The following EFNA5 variants were observed in gnomAD, a reference collection of about 807,000 sequenced individuals.
EFNA5 encodes ephrin-A5.
EFNA5 carries 5 observed loss-of-function variants against 22.9 expected under a neutral mutation model. That is an observed-to-expected ratio of 0.22 (90% CI 0.11 to 0.46). EFNA5 has a LOEUF of 0.46. Ranked by LOEUF, EFNA5 falls within the 20% of genes least tolerant of loss-of-function variation. EFNA5 has a pLI of 0.99. For synonymous variants in EFNA5, 113 were observed against 112.2 expected (o/e 1.01, Z -0.04); for missense variants, 237 against 293.3 (o/e 0.81, Z 1.40).
At chr5:107,498,478 T>C (rs1325746592) in intron 1 of EFNA5, among the ~76,000 whole-genome samples, 1 of 152,188 alleles carries the variant, frequency 6.6e-6, no homozygotes, top group East Asian at 1.9e-4. Context: ...CCCTGGAGCT[T>C]CCCTGGACCC....
intron 1 of EFNA5, among the ~76,000 whole-genome samples, chr5:107,597,292 T>C (rs1749492782): frequency 6.6e-6 from 1 of 152,196 alleles, no homozygotes; most frequent in African/African-American, 2.4e-5. Context: ...CAAAGACAGA[T>C]AACATACACA....
intron 2 of EFNA5, among the ~76,000 whole-genome samples, chr5:107,388,131 A>G (rs1387437163): frequency 6.6e-6 from 1 of 152,214 alleles, no homozygotes; most frequent in Non-Finnish European, 1.5e-5. Flanking sequence ...GCTTTCACAG[A>G]GCCGCTCCTC....
intron 2 of EFNA5, among the ~76,000 whole-genome samples, chr5:107,392,196 C>T (rs1194653631): frequency 6.6e-6 from 1 of 152,162 alleles, no homozygotes; most frequent in Non-Finnish European, 1.5e-5. Context: ...CCCAGGTATC[C>T]CCACATTCCT....
chr5:107,465,804 A>C (rs1749963117), intron 1 of EFNA5, among the ~76,000 whole-genome samples: 2 of 151,980 alleles, frequency 1.3e-5, no homozygotes, highest in Non-Finnish European at 2.9e-5. Flanking sequence ...AAGGCCCCTC[A>C]CAAAGATACA....
At chr5:107,524,960 T>C (rs934363817) in intron 1 of EFNA5, among the ~76,000 whole-genome samples, 2 of 152,242 alleles carry the variant, frequency 1.3e-5, no homozygotes, top group African/African-American at 4.8e-5. Context: ...TTAATGCAGA[T>C]TAGGCATATA....
chr5:107,601,453 G>A (rs867985781), intron 1 of EFNA5, among the ~76,000 whole-genome samples: 1 of 152,162 alleles, frequency 6.6e-6, no homozygotes, highest in South Asian at 2.1e-4. Context: ...GTAACTCTGA[G>A]AAAACAACCA....
chr5:107,628,319 A>G (rs1197862119), intron 1 of EFNA5, among the ~76,000 whole-genome samples: 2 of 152,188 alleles, frequency 1.3e-5, no homozygotes, highest in African/African-American at 4.8e-5. Context: ...GGAGAACTTT[A>G]ATTTTAAAAA....
intron 1 of EFNA5, among the ~76,000 whole-genome samples, chr5:107,604,507 G>C (rs1470964670): frequency 6.6e-6 from 1 of 152,052 alleles, no homozygotes; most frequent in Non-Finnish European, 1.5e-5. Flanking sequence ...ACTTAATTCA[G>C]CACACTGCTC....
At chr5:107,410,062 T>A (rs1748323195) in intron 2 of EFNA5, among the ~76,000 whole-genome samples, 1 of 141,004 alleles carries the variant, frequency 7.1e-6, no homozygotes, top group Non-Finnish European at 1.5e-5. Context: ...GAAGTCTCAC[T>A]CTGTTGCCCA....
intron 1 of EFNA5, among the ~76,000 whole-genome samples, chr5:107,583,270 T>G (rs1006471753): frequency 6.6e-6 from 1 of 152,136 alleles, no homozygotes; most frequent in African/African-American, 2.4e-5. Context: ...TCCAAATAAG[T>G]CTGGCTAAAT....
chr5:107,458,261 C>T (rs1749745218), intron 1 of EFNA5, among the ~76,000 whole-genome samples: 3 of 152,042 alleles, frequency 2.0e-5, no homozygotes, highest in African/African-American at 7.2e-5. Flanking sequence ...AAACACCTTC[C>T]CTGAGCTTTA....
At chr5:107,627,309 G>T (rs945506919) in intron 1 of EFNA5, among the ~76,000 whole-genome samples, 1 of 152,194 alleles carries the variant, frequency 6.6e-6, no homozygotes, top group Non-Finnish European at 1.5e-5. Context: ...CTCACCTGAG[G>T]AATTGTTACT....
intron 1 of EFNA5, among the ~76,000 whole-genome samples, chr5:107,592,233 T>C (rs528226578): frequency 4.4e-4 from 66 of 149,212 alleles, no homozygotes; most frequent in South Asian, 8.3e-4. Flanking sequence ...TTTTGTACTA[T>C]AAATTTTATA....
intron 2 of EFNA5, among the ~76,000 whole-genome samples, chr5:107,421,336 A>AT (rs1454841778): frequency 6.6e-6 from 1 of 152,220 alleles, no homozygotes; most frequent in African/African-American, 2.4e-5. Context: ...TGCTGGAAAA[A>AT]TTCTCTTTTA....
At position 107,424,198 on chromosome 5, in the gene EFNA5, A is replaced by ATTT. The variant is rs70996959; in HGVS notation, c.418+3016_418+3018dup. On this transcript the variant is annotated intron_variant, in intron 2 of 4. Transcript: ENST00000333274. ...TATAGCTTTCTTTTTTCTTTCTTTC[A>ATTT]TTTTTTTTTTTTTTTTTTTTTTTTT... Among the ~76,000 whole-genome samples the ATTT allele has an allele frequency of 7.8e-4, 75 of 95,706 alleles. 4 individuals carry two copies. Among genetic ancestry groups the ATTT allele is most frequent in the African/African-American group, 2.3e-3 (48 of 20,452 alleles). 62.8% of individuals were successfully genotyped at this position (95,706 alleles called of 152,430 possible).
chr5:107,656,797 C>A (rs1214623953), intron 1 of EFNA5, among the ~76,000 whole-genome samples: 1 of 152,042 alleles, frequency 6.6e-6, no homozygotes, highest in East Asian at 1.9e-4. Context: ...GGCTTAGATT[C>A]ACCACTATAA....
chr5:107,476,120 C>T (rs762121388), intron 1 of EFNA5, among the ~76,000 whole-genome samples: 19 of 122,892 alleles, frequency 1.5e-4, no homozygotes, highest in East Asian at 2.4e-4. Context: ...GGCGCGATCT[C>T]GGCTCACTGC....
At chr5:107,505,980 C>G (rs957425776) in intron 1 of EFNA5, among the ~76,000 whole-genome samples, 2 of 152,162 alleles carry the variant, frequency 1.3e-5, no homozygotes, top group Admixed American at 1.3e-4. Context: ...GATTTAAACC[C>G]TGGCAGTCTG....
At chr5:107,638,827 TAC>T (rs1750440372) in intron 1 of EFNA5, among the ~76,000 whole-genome samples, 1 of 151,968 alleles carries the variant, frequency 6.6e-6, no homozygotes, top group Non-Finnish European at 1.5e-5. Flanking sequence ...TACACACACA[TAC>T]ACACACACAT....
Sources: gnomAD v4.1 joint callset for allele counts (sites outside exome capture counted in the v4.1 genomes callset) on GRCh38, gnomAD v4.1.1 for gene constraint, MANE v1.5 for transcripts, NCBI Gene and HGNC (gene_info 2026-07-23, HGNC 2026-07-21) for gene names.